The following ZEB1 variants were observed in gnomAD, a reference collection of about 807,000 sequenced individuals.
The protein encoded by ZEB1 is zinc finger E-box-binding homeobox 1.
A neutral mutation model predicts 84.9 loss-of-function variants in ZEB1; 21 were observed. That is an observed-to-expected ratio of 0.25 (90% confidence interval 0.18 to 0.36). ZEB1 has a LOEUF of 0.36. Ranked by LOEUF, ZEB1 falls within the 10% of genes least tolerant of loss-of-function variation. The pLI is 1.00. For missense variants in ZEB1, 1,104 were observed against 1,330.2 expected (o/e 0.83, Z 2.65); for synonymous variants, 420 against 471.1 (o/e 0.89, Z 1.41).
chr10:31,478,350 C>T (rs1431039741), intron 2 of ZEB1, among the ~76,000 whole-genome samples: 2 of 151,988 alleles, frequency 1.3e-5, no homozygotes, highest in East Asian at 3.9e-4. Context: ...AGTCAGAAAA[C>T]AACAGATGTT....
chr10:31,384,922 G>A (rs11812734), intron 1 of ZEB1, among the ~76,000 whole-genome samples: 7,176 of 151,916 alleles, frequency 0.047, 552 homozygotes, highest in African/African-American at 0.16. Context: ...TCTTTTTGTC[G>A]TATTATCTGC....
intron 2 of ZEB1, among the ~76,000 whole-genome samples, chr10:31,488,680 CTA>C (rs1447117634): frequency 1.3e-5 from 2 of 151,072 alleles, no homozygotes; most frequent in Non-Finnish European, 3.0e-5. Context: ...AAATTCCCCT[CTA>C]TACAGTGTTT....
chr10:31,470,654 G>A, intron 2 of ZEB1, among the ~76,000 whole-genome samples: 1 of 94,236 alleles, frequency 1.1e-5, no homozygotes. Context: ...ATATTATCCA[G>A]GAGAACTTCC....
At chr10:31,388,379 G>A (rs2049018832) in intron 1 of ZEB1, among the ~76,000 whole-genome samples, 1 of 152,038 alleles carries the variant, frequency 6.6e-6, no homozygotes, top group African/African-American at 2.4e-5. Flanking sequence ...CATTAAAGTG[G>A]GGAGTAATCT....
intron 1 of ZEB1, among the ~76,000 whole-genome samples, chr10:31,389,073 A>T (rs369796336): frequency 6.6e-6 from 1 of 152,106 alleles, no homozygotes; most frequent in African/African-American, 2.4e-5. Context: ...TCGTGTTCTA[A>T]TTTCAGATCA....
intron 2 of ZEB1, among the ~76,000 whole-genome samples, chr10:31,464,515 T>A (rs1009749592): frequency 1.3e-5 from 2 of 151,998 alleles, no homozygotes; most frequent in African/African-American, 4.8e-5. Flanking sequence ...TACTACAGAT[T>A]CAAAAAGCCC....
At chr10:31,397,138 G>A (rs1482223777) in intron 1 of ZEB1, among the ~76,000 whole-genome samples, 2 of 144,392 alleles carry the variant, frequency 1.4e-5, no homozygotes, top group South Asian at 2.2e-4. Context: ...TCAGCCTCCC[G>A]AGAAGCTTCA....
intron 1 of ZEB1, among the ~76,000 whole-genome samples, chr10:31,407,169 T>C (rs934628974): frequency 1.3e-5 from 2 of 151,736 alleles, no homozygotes; most frequent in Non-Finnish European, 2.9e-5. Context: ...TATGTATACA[T>C]GTGCCATGCT....
intron 2 of ZEB1, among the ~76,000 whole-genome samples, chr10:31,470,493 C>T (rs1455369699): frequency 1.3e-3 from 193 of 150,408 alleles, no homozygotes; most frequent in African/African-American, 2.2e-3. Flanking sequence ...TGAAATGAAG[C>T]GAGAAGGAAA....
intron 3 of ZEB1, among the ~76,000 whole-genome samples, chr10:31,497,057 G>C (rs975148514): frequency 6.6e-6 from 1 of 152,088 alleles, no homozygotes; most frequent in African/African-American, 2.4e-5. Flanking sequence ...CATGAATAAT[G>C]TATTCAGATA....
rs1834610141 is a variant in ZEB1 at position 31,528,735 on chromosome 10, G to T, written c.*1471G>T. 6.6e-6 allele frequency: 1 copy of T among 151,966 alleles called. No homozygotes were observed. The highest frequency in any genetic ancestry group is 1.5e-5 in the Non-Finnish European group (1 of 67,972). The allele number at this position is 151,966 out of a possible 1,614,324, so 9.4% of individuals were successfully genotyped here. A position where few individuals can be genotyped will look rare whatever the true frequency, so the allele number is the denominator to read the frequency against. Reference sequence around the variant, plus strand: ...TAATATATTTTAGTATGAAAATTTGGAAAGTTGATAAGATTTAAAGTAGAG... The same window carrying T: ...TAATATATTTTAGTATGAAAATTTGTAAAGTTGATAAGATTTAAAGTAGAG... On this transcript the variant is annotated 3_prime_UTR_variant, in exon 9 of 9. Coordinates refer to ENST00000424869, the MANE Select transcript of ZEB1 (RefSeq NM_001174096.2).
At chr10:31,491,481 C>T (rs1264678147) in intron 2 of ZEB1, among the ~76,000 whole-genome samples, 1 of 151,830 alleles carries the variant, frequency 6.6e-6, no homozygotes, top group Non-Finnish European at 1.5e-5. Context: ...TATAAGGATT[C>T]TCCTAGAGCC....
chr10:31,461,373 A>G lies in ZEB1; in HGVS notation c.259+136A>G, dbSNP rs1161308067. ...GCTATCAATAAATATTAGGTGTCCT[A>G]CTTACTAAAAAGTGGATTATGAAGC... On this transcript the variant is annotated intron_variant, in intron 2 of 8. Transcript: ENST00000424869. 6.8e-6 allele frequency: 6 copies of G among 887,464 alleles called. No individual in the cohort carries two copies. The East Asian group carries it at 1.6e-4, about 24-fold the overall frequency. The allele number at this position is 887,464 out of a possible 1,614,324, so 55.0% of individuals were successfully genotyped here. A position where few individuals can be genotyped will look rare whatever the true frequency, so the allele number is the denominator to read the frequency against.
intron 1 of ZEB1, chr10:31,355,120 A>C (rs1226709202): frequency 6.6e-6 from 1 of 152,170 alleles, no homozygotes; most frequent in Non-Finnish European, 1.5e-5. Context: ...TTGAGAAAGT[A>C]AATTATTCCT....
chr10:31,405,494 ATTAT>A (rs1184436135), intron 1 of ZEB1, among the ~76,000 whole-genome samples: 1 of 152,122 alleles, frequency 6.6e-6, no homozygotes, highest in African/African-American at 2.4e-5. Context: ...TTATTTAGTA[ATTAT>A]TCTTTCCTAG....
At chr10:31,448,940 C>A (rs1394657783) in intron 1 of ZEB1, among the ~76,000 whole-genome samples, 1 of 152,238 alleles carries the variant, frequency 6.6e-6, no homozygotes, top group Non-Finnish European at 1.5e-5. Flanking sequence ...GTGGGCTCCA[C>A]CCAGTTGGAG....
intron 6 of ZEB1, among the ~76,000 whole-genome samples, chr10:31,515,047 T>C (rs2070815022): frequency 6.6e-6 from 1 of 152,036 alleles, no homozygotes; most frequent in Admixed American, 6.6e-5. Context: ...GAAAAGAGTA[T>C]AGAGATACGA....
At chr10:31,514,815 C>A in intron 6 of ZEB1, 107 bp downstream of exon 6, 2 of 930,586 alleles carry the variant, frequency 2.1e-6, no homozygotes, top group Non-Finnish European at 1.6e-6. Flanking sequence ...CCTTGCATTT[C>A]TTTTGGCATA....
At chr10:31,425,203 C>T (rs1051355938) in intron 1 of ZEB1, among the ~76,000 whole-genome samples, 1 of 151,830 alleles carries the variant, frequency 6.6e-6, no homozygotes, top group South Asian at 2.1e-4. Context: ...CAGAAAACCA[C>T]GAATTTGAAT....
Sources: gnomAD v4.1 joint callset for allele counts (sites outside exome capture counted in the v4.1 genomes callset) on GRCh38, gnomAD v4.1.1 for gene constraint, MANE v1.5 for transcripts, NCBI Gene and HGNC (gene_info 2026-07-23, HGNC 2026-07-21) for gene names.